Variants in AIG1 observed in about 807,000 individuals in gnomAD.
The protein encoded by AIG1 is androgen induced 1, also known as androgen-induced gene 1 protein.
A neutral mutation model predicts 31.4 loss-of-function variants in AIG1; 23 were observed. That is an observed-to-expected ratio of 0.73 (90% confidence interval 0.53 to 1.04). The LOEUF is 1.04. Among genes scored for constraint, AIG1 ranks in the 50% least tolerant of loss-of-function variants. The pLI is 0.00. For synonymous variants in AIG1, 100 were observed against 110.5 expected, an observed-to-expected ratio of 0.90 and a Z score of 0.60; for missense variants, 274 against 295.0, an observed-to-expected ratio of 0.93 and a Z score of 0.52.
chr6:143,066,834 G>A (rs1202296651), intron 1 of AIG1, among the ~76,000 whole-genome samples: 1 of 152,056 alleles, frequency 6.6e-6, no homozygotes, highest in Non-Finnish European at 1.5e-5. Flanking sequence ...TTCTTTCCAG[G>A]CACTGACTTT....
chr6:143,210,998 C>A (rs1791542837), intron 3 of AIG1, among the ~76,000 whole-genome samples: 1 of 152,118 alleles, frequency 6.6e-6, no homozygotes, highest in Non-Finnish European at 1.5e-5. Context: ...AGATTTTTAA[C>A]CCTATCTTTG....
chr6:143,164,435 C>G (rs1786722883), intron 2 of AIG1, among the ~76,000 whole-genome samples: 1 of 152,134 alleles, frequency 6.6e-6, no homozygotes, highest in Non-Finnish European at 1.5e-5. Flanking sequence ...CAAAACAAAC[C>G]TTTGGAACCT....
At chr6:143,275,105 T>C (rs888201297) in intron 3 of AIG1, among the ~76,000 whole-genome samples, 11 of 152,208 alleles carry the variant, frequency 7.2e-5, no homozygotes, top group African/African-American at 2.7e-4. Flanking sequence ...CTTTATCTTA[T>C]GTTGTTGTCT....
At chr6:143,337,939 T>A (rs936728263) in intron 5 of AIG1, 1 of 398,678 alleles carries the variant, frequency 2.5e-6, no homozygotes, top group Non-Finnish European at 4.4e-6. Flanking sequence ...CTTGCAAACA[T>A]TATTTACAGC....
chr6:143,076,017 T>C (rs1389243037), intron 1 of AIG1, among the ~76,000 whole-genome samples: 1 of 152,236 alleles, frequency 6.6e-6, no homozygotes, highest in Admixed American at 6.5e-5. Flanking sequence ...ACATATTCAG[T>C]GTGCACTTGA....
chr6:143,072,517 G>C (rs770744141), intron 1 of AIG1, among the ~76,000 whole-genome samples: 4 of 151,872 alleles, frequency 2.6e-5, no homozygotes, highest in Non-Finnish European at 5.9e-5. Flanking sequence ...CTTGTTTCTT[G>C]TTCCTATCTT....
intron 3 of AIG1, among the ~76,000 whole-genome samples, chr6:143,203,199 A>C (rs1168783277): frequency 6.6e-6 from 1 of 152,230 alleles, no homozygotes; most frequent in Non-Finnish European, 1.5e-5. Flanking sequence ...AATCTCTTGG[A>C]AATGGCTGTA....
chr6:143,252,367 C>G (rs1047274316), intron 3 of AIG1, among the ~76,000 whole-genome samples: 3 of 152,128 alleles, frequency 2.0e-5, no homozygotes, highest in African/African-American at 7.2e-5. Flanking sequence ...GTGATCCACC[C>G]ACCTTGGCCT....
Position 143,333,448 on chromosome 6 carries a change from A to G in AIG1, c.679+3A>G, listed in dbSNP as rs994872509. On this transcript the variant is annotated splice_donor_region_variant and intron_variant, in intron 5 of 5. Coordinates refer to ENST00000357847, the MANE Select transcript of AIG1 (RefSeq NM_016108.4). The surrounding 1 kb of genome is among the most constrained non-coding windows in gnomAD (Gnocchi z 4.6). ...CTATATCTGGGATACACAGAAAAGT[A>G]AGTATTGTCTGAGGGAACATAAAAC... 2 of 1,612,864 alleles carry G rather than the reference A, an allele frequency of 1.2e-6. No homozygotes were observed. Among genetic ancestry groups the G allele is most frequent in the Non-Finnish European group, 1.7e-6 (2 of 1,179,532 alleles).
chr6:143,278,385 T>C (rs1797091709), intron 3 of AIG1, among the ~76,000 whole-genome samples: 2 of 152,190 alleles, frequency 1.3e-5, no homozygotes, highest in Non-Finnish European at 2.9e-5. Context: ...AAAAGTTTAT[T>C]CCCTCTGAAT....
chr6:143,190,145 A>G (rs1290955163), intron 3 of AIG1: 2 of 980,934 alleles, frequency 2.0e-6, no homozygotes, highest in Non-Finnish European at 2.4e-6. Flanking sequence ...TAGGGTTTCA[A>G]CATATGAATT....
Position 143,284,094 on chromosome 6 carries a change from C to G in AIG1, c.400-16C>G. 6.3e-7 allele frequency: 1 copy of G among 1,581,984 alleles called. No homozygotes were observed. Among genetic ancestry groups the G allele is most frequent in the Non-Finnish European group, 8.7e-7 (1 of 1,151,562 alleles). The stretch of plus-strand genomic sequence containing the variant: ...ATGATAGCAATCTGTGTCACCTAGT[C>G]TCTGTTATTTTCCAGCACACGACGG... On this transcript the variant is annotated splice_polypyrimidine_tract_variant and intron_variant, in intron 3 of 5. Transcript: ENST00000357847. This position sits in a 1 kb window ranked among gnomAD's most constrained non-coding sequence, Gnocchi z 4.4.
intron 3 of AIG1, among the ~76,000 whole-genome samples, chr6:143,252,013 A>G (rs950574485): frequency 6.6e-6 from 1 of 152,036 alleles, no homozygotes; most frequent in South Asian, 2.1e-4. Flanking sequence ...CGTATCACTT[A>G]TTTGTCTCTT....
chr6:143,178,477 G>GC lies in AIG1; in HGVS notation c.399+13295dup, dbSNP rs545576750. Among the ~76,000 whole-genome samples, 229 of 152,316 alleles carry GC rather than the reference G, an allele frequency of 1.5e-3. 1 individual carries two copies. The highest frequency in any genetic ancestry group is 5.3e-3 in the African/African-American group (221 of 41,566). ...AGCTCAGGGCCTGTCAGGGCTGGGG[G>GC]CTCTCCTCTTATTAGGACTACAGGC... On this transcript the variant is annotated intron_variant, in intron 3 of 5. Coordinates refer to ENST00000357847, the MANE Select transcript of AIG1 (RefSeq NM_016108.4).
At chr6:143,165,291 C>A in intron 3 of AIG1, 108 bp downstream of exon 3, 1 of 809,436 alleles carries the variant, frequency 1.2e-6, no homozygotes, top group Non-Finnish European at 2.0e-6. Context: ...GCCATGAAAT[C>A]TTGGAAGGTT....
intron 3 of AIG1, among the ~76,000 whole-genome samples, chr6:143,216,736 A>C (rs77764018): frequency 6.6e-6 from 1 of 152,170 alleles, no homozygotes; most frequent in Non-Finnish European, 1.5e-5. Context: ...GTATTGAGAG[A>C]GATTATGTGG....
At chr6:143,096,718 A>G (rs1331522383) in intron 1 of AIG1, among the ~76,000 whole-genome samples, 1 of 152,242 alleles carries the variant, frequency 6.6e-6, no homozygotes, top group Non-Finnish European at 1.5e-5. Context: ...ATAGATAAGT[A>G]TATATTAATA....
chr6:143,171,478 ATATATATT>A, intron 3 of AIG1, among the ~76,000 whole-genome samples: 1 of 115,922 alleles, frequency 8.6e-6, no homozygotes, highest in African/African-American at 4.1e-5. Flanking sequence ...AATATATATA[ATATATATT>A]AAATATATAA....
At chr6:143,136,584 G>T (rs1055226758) in intron 1 of AIG1, among the ~76,000 whole-genome samples, 28 of 152,182 alleles carry the variant, frequency 1.8e-4, no homozygotes, top group African/African-American at 5.1e-4. Context: ...GCCCTATTTA[G>T]ATGTGTGTGT....
Sources: gnomAD v4.1 joint callset for allele counts (sites outside exome capture counted in the v4.1 genomes callset) on GRCh38, gnomAD v4.1.1 for gene constraint, Gnocchi (gnomAD v3.1) non-coding constraint, MANE v1.5 for transcripts, NCBI Gene and HGNC (gene_info 2026-07-23, HGNC 2026-07-21) for gene names.